The following CHIC2 variants were observed in gnomAD, a reference collection of about 807,000 sequenced individuals.
The protein encoded by CHIC2 is cysteine rich hydrophobic domain 2, also known as cysteine-rich hydrophobic domain-containing protein 2.
Under a neutral mutation model 25.9 loss-of-function variants are expected in CHIC2, and 14 were observed. The ratio of observed to expected loss-of-function variants is 0.54; its 90% CI spans 0.36 to 0.85. The LOEUF (loss-of-function observed/expected upper bound fraction) is 0.85, where lower values mean the gene tolerates loss of function less well. CHIC2 is among the 40% of genes least tolerant of loss of function. CHIC2 has a pLI of 0.01. For synonymous variants in CHIC2, 70 were observed against 72.0 expected, an observed-to-expected ratio of 0.97 and a Z score of 0.14; for missense variants, 146 against 202.0, an observed-to-expected ratio of 0.72 and a Z score of 1.68.
the CHIC2 span, among the ~76,000 whole-genome samples, chr4:54,079,090 G>T: frequency 9.9e-5 from 15 of 152,012 alleles, no homozygotes; most frequent in East Asian, 2.0e-3. Flanking sequence ...GGTGGTGGGT[G>T]CCTGTAATCC....
At chr4:54,050,274 GACTCCA>G (rs1422118693) in intron 1 of CHIC2, among the ~76,000 whole-genome samples, 3 of 152,068 alleles carry the variant, frequency 2.0e-5, no homozygotes, top group Admixed American at 2.0e-4. Flanking sequence ...TTGAAGGGGG[GACTCCA>G]ACTTTACACC....
intron 3 of CHIC2, among the ~76,000 whole-genome samples, chr4:54,048,563 C>G (rs1479439157): frequency 9.2e-5 from 14 of 151,786 alleles, no homozygotes; most frequent in Admixed American, 9.2e-4. Flanking sequence ...TTCATTTTAC[C>G]TTTATATTCA....
intron 1 of CHIC2, among the ~76,000 whole-genome samples, chr4:54,055,333 G>C (rs1717142498): frequency 1.3e-5 from 2 of 152,024 alleles, no homozygotes; most frequent in Non-Finnish European, 2.9e-5. Context: ...AGTCGTGTAG[G>C]TGGCAAAATA....
chr4:54,067,274 T>A (rs1053322898), upstream of CHIC2, among the ~76,000 whole-genome samples: 1 of 137,980 alleles, frequency 7.2e-6, no homozygotes, highest in African/African-American at 2.7e-5. Context: ...CTTTTTCTTT[T>A]TTCCTTTCTG....
At chr4:54,049,577 T>C (rs1221654075) in intron 1 of CHIC2, among the ~76,000 whole-genome samples, 1 of 152,232 alleles carries the variant, frequency 6.6e-6, no homozygotes, top group Non-Finnish European at 1.5e-5. Flanking sequence ...ATGGTTCATT[T>C]AATTTGAGCT....
At chr4:54,060,761 T>C (rs1173487227) in intron 1 of CHIC2, 1 of 152,170 alleles carries the variant, frequency 6.6e-6, no homozygotes, top group Admixed American at 6.5e-5. Context: ...GACTACCTAA[T>C]AGTCTTTTTA....
chr4:54,059,811 C>G (rs1717277503), intron 1 of CHIC2: 3 of 152,044 alleles, frequency 2.0e-5, no homozygotes, highest in Admixed American at 6.5e-5. Context: ...ATTATAGGAA[C>G]TATAATATTC....
chr4:54,080,243 C>T, the CHIC2 span, among the ~76,000 whole-genome samples: 45 of 148,888 alleles, frequency 3.0e-4, no homozygotes, highest in African/African-American at 1.0e-3. Context: ...GAAAATTCTA[C>T]CATTTGTGAC....
rs1460315624 is a variant in CHIC2 at position 54,014,130 on chromosome 4, A to G, written c.331-11T>C. The G allele has an allele frequency of 4.3e-6, 7 of 1,612,524 alleles. No individual in the cohort carries two copies. Among genetic ancestry groups the G allele is most frequent in the Non-Finnish European group, 5.9e-6 (7 of 1,179,144 alleles). ...AATCGATCTTCGTGTCTGGAAGACA[A>G]ATGAGAAAAAAGTTTACTCTTGACT... is the stretch of plus-strand genomic sequence containing the variant. On this transcript the variant is annotated splice_polypyrimidine_tract_variant and intron_variant, in intron 3 of 5. Transcript: ENST00000263921.
intron 1 of CHIC2, among the ~76,000 whole-genome samples, chr4:54,062,551 T>TA (rs1010770916): frequency 4.6e-5 from 7 of 152,202 alleles, no homozygotes; most frequent in African/African-American, 1.4e-4. Context: ...GTTTACTGAT[T>TA]ACCTAGGTTC....
At chr4:54,043,058 C>A (rs1302748143) in intron 3 of CHIC2, among the ~76,000 whole-genome samples, 1 of 152,076 alleles carries the variant, frequency 6.6e-6, no homozygotes, top group Non-Finnish European at 1.5e-5. Context: ...CACCTGTAAT[C>A]CCAGCACTTA....
At chr4:54,041,034 A>G (rs1234532269) in intron 3 of CHIC2, among the ~76,000 whole-genome samples, 1 of 148,042 alleles carries the variant, frequency 6.8e-6, no homozygotes, top group Non-Finnish European at 1.5e-5. Context: ...CTTCTGCCTC[A>G]GCCTCCCGAG....
In CHIC2 at chr4:54,013,902, C is replaced by CAA. The variant is rs772336610; in HGVS notation, c.388-8_388-7dup. ...AGTCTCCAATGCAAGCACAGCTAGA[C>CAA]AAGTAGGAAAGTAAAAGAAGAAAAA... On this transcript the variant is annotated splice_polypyrimidine_tract_variant and splice_region_variant and intron_variant, in intron 4 of 5. Coordinates refer to ENST00000263921, the MANE Select transcript of CHIC2 (RefSeq NM_012110.4). 2.5e-6 allele frequency: 4 copies of CAA among 1,613,178 alleles called. No homozygotes were observed. The highest frequency in any genetic ancestry group is 3.4e-6 in the Non-Finnish European group (4 of 1,179,386).
chr4:54,070,666 G>A, the CHIC2 span, among the ~76,000 whole-genome samples: 1 of 152,056 alleles, frequency 6.6e-6, no homozygotes, highest in East Asian at 1.9e-4. Context: ...CAGGTGATCT[G>A]CCCAACTCGG....
intron 1 of CHIC2, among the ~76,000 whole-genome samples, chr4:54,050,947 T>C (rs1473944679): frequency 6.6e-6 from 1 of 152,082 alleles, no homozygotes; most frequent in Non-Finnish European, 1.5e-5. Flanking sequence ...CAACTACAGT[T>C]CACTCCTGAC....
intron 3 of CHIC2, among the ~76,000 whole-genome samples, chr4:54,046,314 T>A (rs1475104115): frequency 1.3e-5 from 2 of 152,074 alleles, no homozygotes; most frequent in African/African-American, 4.8e-5. Context: ...AAAGCTCATA[T>A]GGAACCAAAA....
chr4:54,064,538 C>A lies in CHIC2; in HGVS notation c.-238G>T. The A allele has an allele frequency of 7.3e-7, 1 of 1,360,646 alleles. No homozygotes were observed. Among genetic ancestry groups the A allele is most frequent in the Admixed American group, 3.4e-5 (1 of 29,530 alleles). The allele number at this position is 1,360,646 out of a possible 1,614,324, so 84.3% of individuals were successfully genotyped here. ...CAACAACACAATGTCAACATCCGCC[C>A]AGAGGCCGACACCTCCACAAGCACA... On this transcript the variant is annotated 5_prime_UTR_variant, in exon 1 of 6. Coordinates refer to ENST00000263921, the MANE Select transcript of CHIC2 (RefSeq NM_012110.4). This position sits in a 1 kb window ranked among gnomAD's most constrained non-coding sequence, Gnocchi z 4.2.
At chr4:54,023,396 C>A (rs1560383886) in intron 3 of CHIC2, among the ~76,000 whole-genome samples, 1 of 152,136 alleles carries the variant, frequency 6.6e-6, no homozygotes, top group South Asian at 2.1e-4. Context: ...TTTTCTTCCT[C>A]CCACCTGATG....
At chr4:54,088,678 A>G in the CHIC2 span, among the ~76,000 whole-genome samples, 2 of 152,176 alleles carry the variant, frequency 1.3e-5, no homozygotes. Context: ...TCAGACTTCT[A>G]TTTCAAAACG....
Sources: gnomAD v4.1 joint callset for allele counts (sites outside exome capture counted in the v4.1 genomes callset) on GRCh38, gnomAD v4.1.1 for gene constraint, Gnocchi (gnomAD v3.1) non-coding constraint, MANE v1.5 for transcripts, NCBI Gene and HGNC (gene_info 2026-07-23, HGNC 2026-07-21) for gene names.